The following FBXW7 variants were observed in gnomAD, a reference collection of about 807,000 sequenced individuals.
The protein encoded by FBXW7 is F-box/WD repeat-containing protein 7.
In FBXW7, 11 loss-of-function variants were observed where a neutral mutation model predicts 86.3. The ratio of observed to expected loss-of-function variants is 0.13; its 90% CI spans 0.08 to 0.21. FBXW7 has a LOEUF of 0.21. Among genes scored for constraint, FBXW7 ranks in the 10% least tolerant of loss-of-function variants. The pLI is 1.00. For missense variants in FBXW7, 488 were observed against 847.4 expected (o/e 0.58, Z 5.27); for synonymous variants, 313 against 297.9 (o/e 1.05, Z -0.52).
chr4:152,332,887 T>TA lies in FBXW7; in HGVS notation c.862-169dup, dbSNP rs544662228. On this transcript the variant is annotated intron_variant, in intron 7 of 13. Coordinates refer to ENST00000281708, the MANE Select transcript of FBXW7 (RefSeq NM_001349798.2). ...TCAGTCCTAACAAATATATACCAGA[T>TA]AAAAAACACACACACACCTTATGGT... 43 of 192,768 alleles carry TA rather than the reference T, an allele frequency of 2.2e-4. 1 individual carries two copies. The East Asian group carries it at 4.9e-3, about 22-fold the overall frequency. 11.9% of individuals were successfully genotyped at this position (192,768 alleles called of 1,614,324 possible). A position where few individuals can be genotyped will look rare whatever the true frequency, so the allele number is the denominator to read the frequency against.
chr4:152,323,224 A>G (rs2126468267), intron 13 of FBXW7, 75 bp from the exon 14 acceptor site: 2 of 1,467,682 alleles, frequency 1.4e-6, no homozygotes, highest in Non-Finnish European at 1.8e-6. Context: ...TAATTTGTAG[A>G]CTTCTACTTT....
chr4:152,407,956 G>A (rs148552138), intron 4 of FBXW7, among the ~76,000 whole-genome samples: 6 of 152,232 alleles, frequency 3.9e-5, no homozygotes, highest in African/African-American at 1.4e-4. Context: ...CTCTCAAAGT[G>A]CTGGGATCAC....
intron 2 of FBXW7, among the ~76,000 whole-genome samples, chr4:152,464,173 A>G (rs1743204219): frequency 6.6e-6 from 1 of 152,186 alleles, no homozygotes; most frequent in African/African-American, 2.4e-5. Flanking sequence ...ATAATAGTCA[A>G]ACTTCAGAAA....
intron 11 of FBXW7, among the ~76,000 whole-genome samples, chr4:152,326,816 A>G (rs749013590): frequency 1.2e-4 from 18 of 152,156 alleles, no homozygotes; most frequent in Admixed American, 9.2e-4. Flanking sequence ...TACACTATAC[A>G]TTCCAGTAAA....
At chr4:152,526,542 G>C (rs1561002234) in intron 2 of FBXW7, among the ~76,000 whole-genome samples, 1 of 152,114 alleles carries the variant, frequency 6.6e-6, no homozygotes, top group Non-Finnish European at 1.5e-5. Context: ...CTAAAATTAA[G>C]TAGTTAAAAT....
rs147095802 is a variant in FBXW7, at chr4:152,381,481, T to C, written c.501+29822A>G. On this transcript the variant is annotated intron_variant, in intron 4 of 13. Transcript: ENST00000281708. ...TCTAAAAATATATCACTCTAATAAA[T>C]AATTTGAAACTGGCAATTTAAATTA... 6.6e-5 allele frequency among the ~76,000 whole-genome samples: 10 copies of C among 152,216 alleles called. No homozygotes were observed. In the East Asian group the frequency reaches 1.9e-3, roughly 29 times the overall value.
intron 4 of FBXW7, among the ~76,000 whole-genome samples, chr4:152,366,676 A>G (rs1306880810): frequency 6.6e-6 from 1 of 152,168 alleles, no homozygotes; most frequent in Non-Finnish European, 1.5e-5. Flanking sequence ...ACTCTTTTAC[A>G]CTGTTGGTGG....
intron 2 of FBXW7, among the ~76,000 whole-genome samples, chr4:152,516,825 G>A (rs966873395): frequency 9.2e-5 from 14 of 152,150 alleles, no homozygotes; most frequent in South Asian, 8.3e-4. Flanking sequence ...GGTTGTTTCC[G>A]CTTTTTTTGT....
intron 11 of FBXW7, among the ~76,000 whole-genome samples, chr4:152,326,809 A>C (rs1729068244): frequency 6.6e-6 from 1 of 152,142 alleles, no homozygotes. Flanking sequence ...TTGTGTTTAC[A>C]CTATACATTC....
chr4:152,406,379 T>C (rs907057931), intron 4 of FBXW7, among the ~76,000 whole-genome samples: 1 of 152,086 alleles, frequency 6.6e-6, no homozygotes, highest in South Asian at 2.1e-4. Flanking sequence ...GCCCAGGGGT[T>C]CAAGGACAGC....
chr4:152,449,780 CA>C (rs1741741484), intron 2 of FBXW7, among the ~76,000 whole-genome samples: 1 of 152,280 alleles, frequency 6.6e-6, no homozygotes, highest in East Asian at 1.9e-4. Flanking sequence ...CAATAATGCA[CA>C]AAGGTATTTG....
chr4:152,412,056 T>C (rs1194759298), intron 3 of FBXW7, among the ~76,000 whole-genome samples, 184 bp from the exon 4 acceptor site: 5 of 152,204 alleles, frequency 3.3e-5, no homozygotes, highest in African/African-American at 1.2e-4. Context: ...TATAAGACTT[T>C]ATAAAGACAT....
intron 5 of FBXW7, among the ~76,000 whole-genome samples, chr4:152,348,056 T>C (rs1240344227): frequency 6.6e-6 from 1 of 152,134 alleles, no homozygotes; most frequent in African/African-American, 2.4e-5. Flanking sequence ...TGTTGATTAA[T>C]TATTTTAAAT....
chr4:152,420,676 T>A (rs1357057372), intron 2 of FBXW7, among the ~76,000 whole-genome samples: 2 of 152,222 alleles, frequency 1.3e-5, no homozygotes, highest in African/African-American at 4.8e-5. Flanking sequence ...TACATCTCCA[T>A]CAGAGTTCTT....
rs1181262938 is a variant in FBXW7, at chr4:152,411,660, T to G, written c.144A>C (p.Gln48His). 1.2e-6 allele frequency: 2 copies of G among 1,613,866 alleles called. No individual in the cohort carries two copies. The highest frequency in any genetic ancestry group is 2.7e-5 in the African/African-American group (2 of 74,918). The change falls in exon 4 of 14, where the codon CAA (glutamine) becomes CAC (histidine). Residue 48 changes from glutamine to histidine, a missense_variant. Around this residue, in one of 4 missense-constraint regions of FBXW7, gnomAD observed 230 missense variants for 240.0 expected, o/e 0.96. Transcript: ENST00000281708. The part of the protein sequence containing the change: ...EEEQQQQLRQ[Q>H]EEEHTARNGE... ...CATTCCTTGCAGTGTGCTCCTCCTC[T>G]TGTTGTCTGAGTTGCTGTTGCTGTT...
chr4:152,471,403 GGGAA>G (rs1743946932), intron 2 of FBXW7, among the ~76,000 whole-genome samples: 1 of 141,362 alleles, frequency 7.1e-6, no homozygotes, highest in Non-Finnish European at 1.5e-5. Context: ...GAGGGAAGGA[GGGAA>G]GGAAGGAAGG....
chr4:152,491,151 A>T (rs1424140890), intron 2 of FBXW7, among the ~76,000 whole-genome samples: 1 of 152,180 alleles, frequency 6.6e-6, no homozygotes, highest in African/African-American at 2.4e-5. Context: ...CCTTGTTTTT[A>T]TCAGATGCCA....
chr4:152,521,930 C>T (rs1189374468), intron 2 of FBXW7, among the ~76,000 whole-genome samples: 1 of 151,240 alleles, frequency 6.6e-6, no homozygotes, highest in Admixed American at 6.6e-5. Flanking sequence ...GCGATTCTCC[C>T]TACCTCAGCC....
chr4:152,322,773 C>A lies in FBXW7; in HGVS notation c.*108G>T. On this transcript the variant is annotated 3_prime_UTR_variant, in exon 14 of 14. Coordinates refer to ENST00000281708, the MANE Select transcript of FBXW7 (RefSeq NM_001349798.2). Reference sequence around the variant, plus strand: ...TGCCCCAAGCCAACATCCTGCACCACTGAGAACAAGGGATTTTTTTCTTTT... The same window carrying A: ...TGCCCCAAGCCAACATCCTGCACCAATGAGAACAAGGGATTTTTTTCTTTT... 6.6e-7 allele frequency: 1 copy of A among 1,518,956 alleles called. No homozygotes were observed. Among genetic ancestry groups the A allele is most frequent in the East Asian group, 2.3e-5 (1 of 43,722 alleles). 94.1% of individuals were successfully genotyped at this position (1,518,956 alleles called of 1,614,324 possible).
Sources: allele counts gnomAD v4.1 joint callset (sites outside exome capture counted in the v4.1 genomes callset), GRCh38; gene constraint gnomAD v4.1.1; regional missense constraint gnomAD v4.1.1; transcripts MANE v1.5; gene names NCBI Gene and HGNC (gene_info 2026-07-23, HGNC 2026-07-21).